The following ZNF385D variants were observed in gnomAD, a reference collection of about 807,000 sequenced individuals.
ZNF385D encodes the protein zinc finger protein 385D.
ZNF385D carries 15 observed loss-of-function variants against 35.8 expected under a neutral mutation model. That is an observed-to-expected ratio of 0.42 (90% confidence interval 0.28 to 0.64). The LOEUF (loss-of-function observed/expected upper bound fraction) is 0.64, where lower values mean the gene tolerates loss of function less well. Among genes scored for constraint, ZNF385D ranks in the 30% least tolerant of loss-of-function variants. The pLI is 0.23. For missense variants in ZNF385D, 474 were observed against 494.6 expected (o/e 0.96, Z 0.39); for synonymous variants, 212 against 186.8 (o/e 1.13, Z -1.10).
At chr3:21,826,243 A>G (rs1195951978) in intron 3 of ZNF385D, among the ~76,000 whole-genome samples, 1 of 152,156 alleles carries the variant, frequency 6.6e-6, no homozygotes, top group Non-Finnish European at 1.5e-5. Flanking sequence ...TACAAATTAG[A>G]ATATGGGAGA....
intron 1 of ZNF385D, among the ~76,000 whole-genome samples, chr3:21,690,776 A>G (rs538267060): frequency 6.6e-6 from 1 of 152,294 alleles, no homozygotes; most frequent in African/African-American, 2.4e-5. Context: ...TGGAATCAGA[A>G]ACTCTGAATA....
At chr3:22,221,374 T>G (rs1197240994) in intron 2 of ZNF385D, among the ~76,000 whole-genome samples, 1 of 152,150 alleles carries the variant, frequency 6.6e-6, no homozygotes, top group Non-Finnish European at 1.5e-5. Flanking sequence ...CCAATCACAT[T>G]GCATATATAC....
intron 3 of ZNF385D, among the ~76,000 whole-genome samples, chr3:21,951,817 C>G (rs529541257): frequency 6.6e-6 from 1 of 151,600 alleles, no homozygotes; most frequent in Admixed American, 6.6e-5. Context: ...GATTCTCCCC[C>G]ACTCTTGAGT....
upstream of ZNF385D, chr3:21,751,409 G>A (rs555482250): frequency 2.0e-4 from 202 of 1,012,638 alleles, 1 homozygote; most frequent in East Asian, 2.9e-3. Context: ...ATCCACACAG[G>A]AACACACAGG....
At chr3:21,900,011 A>G (rs1484009256) in intron 3 of ZNF385D, among the ~76,000 whole-genome samples, 1 of 152,188 alleles carries the variant, frequency 6.6e-6, no homozygotes, top group Admixed American at 6.6e-5. Context: ...GTGGCAAGAC[A>G]TGCTTTTCAA....
rs544553508 is a variant in ZNF385D, at chr3:22,334,818, G to T, written c.106+37632C>A. ...CGTAATTTCTGGTTAGCTTTTATAG[G>T]ACTACTTGAATCTGTAGATCAATGT... is the stretch of plus-strand genomic sequence containing the variant. On this transcript the variant is annotated intron_variant, in intron 2 of 5. Transcript: ENST00000494108. Among the ~76,000 whole-genome samples the T allele has an allele frequency of 1.4e-4, 22 of 152,092 alleles. No homozygotes were observed. The South Asian group carries it at 4.1e-3, about 29-fold the overall frequency.
intron 3 of ZNF385D, among the ~76,000 whole-genome samples, chr3:22,146,863 T>C (rs112101477): frequency 6.6e-6 from 1 of 152,286 alleles, no homozygotes; most frequent in African/African-American, 2.4e-5. Context: ...GTGTCTAAAA[T>C]TTCTCCTAAG....
chr3:21,510,688 T>G (rs1039587141), intron 4 of ZNF385D, among the ~76,000 whole-genome samples, 173 bp downstream of exon 4: 1 of 152,202 alleles, frequency 6.6e-6, no homozygotes, highest in Admixed American at 6.5e-5. Context: ...GTGATTATCT[T>G]AATCTTGCAG....
intron 3 of ZNF385D, among the ~76,000 whole-genome samples, chr3:22,088,593 G>C (rs747533834): frequency 6.6e-6 from 1 of 152,144 alleles, no homozygotes; most frequent in Non-Finnish European, 1.5e-5. Flanking sequence ...AGATCTAGTG[G>C]AGTGGCACCG....
chr3:21,837,460 A>C (rs1203162839), intron 3 of ZNF385D, among the ~76,000 whole-genome samples: 2 of 152,030 alleles, frequency 1.3e-5, no homozygotes, highest in Admixed American at 1.3e-4. Context: ...AGGCTTCTTC[A>C]TGGTATGGTG....
intron 3 of ZNF385D, among the ~76,000 whole-genome samples, chr3:21,967,265 T>G (rs1490685938): frequency 6.6e-6 from 1 of 152,194 alleles, no homozygotes; most frequent in African/African-American, 2.4e-5. Flanking sequence ...CTCGTCAAAT[T>G]TCTTAAAATT....
At chr3:21,915,500 CT>C (rs1191873574) in intron 3 of ZNF385D, among the ~76,000 whole-genome samples, 1 of 151,896 alleles carries the variant, frequency 6.6e-6, no homozygotes, top group Non-Finnish European at 1.5e-5. Flanking sequence ...CTTATTTTTT[CT>C]GTTACAAGGT....
At chr3:21,432,962 G>A (rs1701369478) in intron 5 of ZNF385D, among the ~76,000 whole-genome samples, 1 of 138,394 alleles carries the variant, frequency 7.2e-6, no homozygotes, top group African/African-American at 2.5e-5. Flanking sequence ...AGCAGCTGTG[G>A]TCATGCTAAT....
At chr3:21,885,740 C>CTG (rs3074769) in intron 3 of ZNF385D, among the ~76,000 whole-genome samples, 4,064 of 101,220 alleles carry the variant, frequency 0.04, 58 homozygotes, top group Non-Finnish European at 0.047. Context: ...GTGTCTGTGT[C>CTG]TGTGTGTGTG....
At chr3:22,218,748 C>G (rs1250220452) in intron 2 of ZNF385D, among the ~76,000 whole-genome samples, 1 of 152,116 alleles carries the variant, frequency 6.6e-6, no homozygotes, top group East Asian at 1.9e-4. Context: ...TGGCTCTCAG[C>G]AACATGGGTT....
At chr3:21,753,489 C>G (rs190825843), upstream of ZNF385D, among the ~76,000 whole-genome samples, 31 of 152,186 alleles carry the variant, frequency 2.0e-4, no homozygotes, top group East Asian at 6.0e-3. Context: ...CAGCATGTAG[C>G]CTTTGAAAGA....
At chr3:21,753,770 G>GTTA (rs869213629), upstream of ZNF385D, among the ~76,000 whole-genome samples, 3 of 14,740 alleles carry the variant, frequency 2.0e-4, no homozygotes, top group Non-Finnish European at 6.1e-4. Context: ...TTTGGTGGTT[G>GTTA]TTGTTGTTGT....
intron 2 of ZNF385D, among the ~76,000 whole-genome samples, chr3:22,206,387 A>G (rs1403926463): frequency 6.6e-6 from 1 of 152,036 alleles, no homozygotes; most frequent in African/African-American, 2.4e-5. Flanking sequence ...CAAAGGATCA[A>G]CAAAGAAACA....
At position 21,878,931 on chromosome 3, in the gene ZNF385D, C is replaced by G. The variant is rs76270086; in HGVS notation, c.326-213903G>C. Among the ~76,000 whole-genome samples the G allele has an allele frequency of 2.2e-3, 342 of 152,058 alleles. 3 individuals carry two copies. The highest frequency in any genetic ancestry group is 7.4e-3 in the African/African-American group (308 of 41,520). ...CAATTTTTATTTAGGTTCATACAAA[C>G]CCTAAAGCTATTTTATAAAAAGAGC... On this transcript the variant is annotated intron_variant, in intron 3 of 5. Transcript: ENST00000494108.
Sources: allele counts gnomAD v4.1 joint callset (sites outside exome capture counted in the v4.1 genomes callset), GRCh38; gene constraint gnomAD v4.1.1; transcripts MANE v1.5; gene names NCBI Gene and HGNC (gene_info 2026-07-23, HGNC 2026-07-21).